Variants in RALGAPA2 observed in about 807,000 individuals in gnomAD.
RALGAPA2 encodes ral GTPase-activating protein subunit alpha-2.
RALGAPA2 carries 139 observed loss-of-function variants against 230.4 expected under a neutral mutation model. That is an observed-to-expected ratio of 0.60 (90% CI 0.53 to 0.69). The LOEUF is 0.69. Among genes scored for constraint, RALGAPA2 ranks in the 30% least tolerant of loss-of-function variants. The pLI, the probability that RALGAPA2 is intolerant of heterozygous loss-of-function variation, is 0.00. For missense variants in RALGAPA2, 2,163 were observed against 2,276.0 expected, an observed-to-expected ratio of 0.95 and a Z score of 1.01; for synonymous variants, 847 against 837.8, an observed-to-expected ratio of 1.01 and a Z score of -0.19.
intron 37 of RALGAPA2, among the ~76,000 whole-genome samples, chr20:20,442,188 T>G (rs958948691): frequency 3.9e-5 from 6 of 152,250 alleles, no homozygotes; most frequent in Non-Finnish European, 7.3e-5. Flanking sequence ...GTGCTTTCGC[T>G]TCTTTCTTGC....
intron 23 of RALGAPA2, among the ~76,000 whole-genome samples, chr20:20,559,419 T>C (rs897681973): frequency 6.6e-6 from 1 of 152,136 alleles, no homozygotes; most frequent in South Asian, 2.1e-4. Context: ...AACCTGCTTA[T>C]GGAGAAACCT....
chr20:20,521,170 ACTGC>A (rs2063029071), intron 30 of RALGAPA2, 70 bp from the exon 31 acceptor site: 1 of 1,345,776 alleles, frequency 7.4e-7, no homozygotes, highest in Non-Finnish European at 1.0e-6. Flanking sequence ...CTGTCAAACT[ACTGC>A]AGCACTTGGC....
intron 3 of RALGAPA2, among the ~76,000 whole-genome samples, chr20:20,667,082 C>T (rs1256592687): frequency 1.3e-5 from 2 of 152,080 alleles, no homozygotes; most frequent in African/African-American, 2.4e-5. Context: ...TAAATGAATG[C>T]ATTTGGATGG....
chr20:20,426,375 T>A (rs2060382949), intron 37 of RALGAPA2, among the ~76,000 whole-genome samples: 1 of 152,248 alleles, frequency 6.6e-6, no homozygotes, highest in African/African-American at 2.4e-5. Flanking sequence ...CTACACCTTC[T>A]GCTAATCTGG....
At chr20:20,612,503 G>A (rs1055595192) in intron 13 of RALGAPA2, among the ~76,000 whole-genome samples, 7 of 152,166 alleles carry the variant, frequency 4.6e-5, no homozygotes, top group African/African-American at 1.7e-4. Context: ...AACAATATAT[G>A]ATGCTGAACC....
At chr20:20,427,708 T>A (rs1383973510) in intron 37 of RALGAPA2, among the ~76,000 whole-genome samples, 1 of 152,120 alleles carries the variant, frequency 6.6e-6, no homozygotes, top group African/African-American at 2.4e-5. Flanking sequence ...CCGCACAGGT[T>A]GCCAGTAACA....
At position 20,389,962 on chromosome 20, in the gene RALGAPA2, A is replaced by G. The variant is rs945568546; in HGVS notation, c.*3327T>C. ...GACCTGAAAACATAAGGAAACATTC[A>G]CTTCATGTGTATGTCATATGGACAG... On this transcript the variant is annotated 3_prime_UTR_variant, in exon 40 of 40. Transcript: ENST00000202677. The G allele has an allele frequency of 2.6e-5, 4 of 152,316 alleles. No homozygotes were observed. In the East Asian group the frequency reaches 7.7e-4, roughly 29 times the overall value. 9.4% of individuals were successfully genotyped at this position (152,316 alleles called of 1,614,324 possible). A position where few individuals can be genotyped will look rare whatever the true frequency, so the allele number is the denominator to read the frequency against.
At chr20:20,576,023 C>G (rs1296143221) in intron 20 of RALGAPA2, among the ~76,000 whole-genome samples, 1 of 151,922 alleles carries the variant, frequency 6.6e-6, no homozygotes, top group Non-Finnish European at 1.5e-5. Flanking sequence ...TTTTTAAAAG[C>G]CACTTATTTT....
At chr20:20,460,933 A>G (rs1347497703) in intron 37 of RALGAPA2, among the ~76,000 whole-genome samples, 1 of 152,204 alleles carries the variant, frequency 6.6e-6, no homozygotes, top group Non-Finnish European at 1.5e-5. Context: ...AGAGAAAGCC[A>G]ATATAAGTTA....
At chr20:20,587,447 G>A (rs1361498403) in intron 18 of RALGAPA2, among the ~76,000 whole-genome samples, 2 of 152,016 alleles carry the variant, frequency 1.3e-5, no homozygotes, top group Non-Finnish European at 2.9e-5. Context: ...AATGGGACCT[G>A]ACACAAGTAG....
chr20:20,697,163 T>C (rs1458903547), intron 1 of RALGAPA2, among the ~76,000 whole-genome samples: 9 of 152,176 alleles, frequency 5.9e-5, no homozygotes, highest in Non-Finnish European at 8.8e-5. Context: ...CAGTCTAAGC[T>C]ATGTAGACTT....
chr20:20,477,480 A>G (rs1189900012), intron 36 of RALGAPA2, among the ~76,000 whole-genome samples: 1 of 152,204 alleles, frequency 6.6e-6, no homozygotes, highest in Non-Finnish European at 1.5e-5. Context: ...TACTTTGTAA[A>G]CAGTTGGAAA....
At chr20:20,620,882 C>T (rs2066298599) in intron 10 of RALGAPA2, among the ~76,000 whole-genome samples, 1 of 152,192 alleles carries the variant, frequency 6.6e-6, no homozygotes, top group African/African-American at 2.4e-5. Context: ...GTGGCTCACG[C>T]CTGTAATCCT....
At chr20:20,572,028 TA>T in intron 21 of RALGAPA2, 82 bp from the exon 22 acceptor site, 1 of 912,498 alleles carries the variant, frequency 1.1e-6, no homozygotes, top group Admixed American at 2.2e-5. Flanking sequence ...TGTGACCATA[TA>T]GCTGCTTTCA....
chr20:20,458,483 ATG>A (rs2061183829), intron 37 of RALGAPA2, among the ~76,000 whole-genome samples: 2 of 139,472 alleles, frequency 1.4e-5, no homozygotes, highest in South Asian at 2.1e-4. Flanking sequence ...TATAATATAT[ATG>A]TATTTTATAT....
Position 20,396,742 on chromosome 20 carries a change from G to A in RALGAPA2, c.5618-8C>T. On this transcript the variant is annotated splice_polypyrimidine_tract_variant and splice_region_variant and intron_variant, in intron 38 of 39. Coordinates refer to ENST00000202677, the MANE Select transcript of RALGAPA2 (RefSeq NM_020343.4). ...ACCTTTACGTGTTTTAATCTGAAGGGAAAGAACACAAAATGGAATGAATAC... is the reference window on the plus strand; with the variant it reads ...ACCTTTACGTGTTTTAATCTGAAGGAAAAGAACACAAAATGGAATGAATAC... The A allele has an allele frequency of 1.3e-6, 2 of 1,599,896 alleles. No homozygotes were observed. Among genetic ancestry groups the A allele is most frequent in the Non-Finnish European group, 1.7e-6 (2 of 1,169,302 alleles).
In RALGAPA2 at chr20:20,503,987, CTGCCGAAAGTT is replaced by C. The variant is rs573593228; in HGVS notation, c.5053-492_5053-482del. Among the ~76,000 whole-genome samples the C allele has an allele frequency of 8.5e-5, 13 of 152,352 alleles. No individual in the cohort carries two copies. In the South Asian group the frequency reaches 2.7e-3, roughly 32 times the overall value. ...AGGGTTGAACAACCACTTTACACCACTGCCGAAAGTTTATGAGTCATAATTCAAAGTTACGG... is the reference window on the plus strand; with the variant it reads ...AGGGTTGAACAACCACTTTACACCACTATGAGTCATAATTCAAAGTTACGG... On this transcript the variant is annotated intron_variant, in intron 34 of 39. Coordinates refer to ENST00000202677, the MANE Select transcript of RALGAPA2 (RefSeq NM_020343.4).
intron 1 of RALGAPA2, among the ~76,000 whole-genome samples, chr20:20,698,141 G>A (rs2069191318): frequency 1.3e-5 from 2 of 152,192 alleles, no homozygotes; most frequent in Admixed American, 6.5e-5. Flanking sequence ...CTGGGGAGAG[G>A]AGGGAATAAG....
chr20:20,547,486 A>G (rs1295871883), intron 23 of RALGAPA2, among the ~76,000 whole-genome samples: 2 of 152,176 alleles, frequency 1.3e-5, no homozygotes, highest in Admixed American at 1.3e-4. Flanking sequence ...TGTGTGTGTA[A>G]TGGCCTCTCA....
Sources: allele counts gnomAD v4.1 joint callset (sites outside exome capture counted in the v4.1 genomes callset), GRCh38; gene constraint gnomAD v4.1.1; transcripts MANE v1.5; gene names NCBI Gene and HGNC (gene_info 2026-07-23, HGNC 2026-07-21).